The following MGAT5 variants were observed in gnomAD, a reference collection of about 807,000 sequenced individuals.
MGAT5 encodes alpha-1,6-mannosylglycoprotein 6-beta-N-acetylglucosaminyltransferase A.
MGAT5 carries 30 observed loss-of-function variants against 94.3 expected under a neutral mutation model. That is an observed-to-expected ratio of 0.32 (90% CI 0.24 to 0.43). MGAT5 has a LOEUF of 0.43. MGAT5 is among the 20% of genes least tolerant of loss of function. MGAT5 has a pLI of 1.00. For missense variants in MGAT5, 691 were observed against 905.5 expected (o/e 0.76, Z 3.04); for synonymous variants, 310 against 322.9 (o/e 0.96, Z 0.43).
At chr2:134,228,086 G>A (rs113685332) in intron 1 of MGAT5, among the ~76,000 whole-genome samples, 1,686 of 152,254 alleles carry the variant, frequency 0.011, 22 homozygotes, top group African/African-American at 0.037. Context: ...AAGAGGAAAG[G>A]TGGGGATCCT....
At chr2:134,145,266 G>T (rs1686866686) in intron 1 of MGAT5, among the ~76,000 whole-genome samples, 1 of 149,050 alleles carries the variant, frequency 6.7e-6, no homozygotes, top group Non-Finnish European at 1.5e-5. Flanking sequence ...TGGAATGCGG[G>T]CTGGGCGCGG....
chr2:134,297,376 G>T (rs1458624468), intron 2 of MGAT5, among the ~76,000 whole-genome samples: 1 of 152,074 alleles, frequency 6.6e-6, no homozygotes, highest in Non-Finnish European at 1.5e-5. Flanking sequence ...AAATATAGAA[G>T]GAGGGAATAC....
chr2:134,204,314 C>T lies in MGAT5; in HGVS notation c.-142-49948C>T, dbSNP rs147308621. ...GCTGTTGGATTTCTTAATCTCAGTA[C>T]GAGAAATTCTAATTTCTGCCTAAGT... On this transcript the variant is annotated intron_variant, in intron 1 of 16. Coordinates refer to the MGAT5 transcript ENST00000409645. Among the ~76,000 whole-genome samples the T allele has an allele frequency of 1.6e-4, 25 of 152,248 alleles. No homozygotes were observed. In the East Asian group the frequency reaches 2.7e-3, roughly 16 times the overall value.
At chr2:134,233,921 T>G (rs1339938059) in intron 1 of MGAT5, among the ~76,000 whole-genome samples, 2 of 152,202 alleles carry the variant, frequency 1.3e-5, no homozygotes, top group Non-Finnish European at 2.9e-5. Flanking sequence ...CTGGCTCTCT[T>G]GAATAATTCC....
chr2:134,245,353 A>C (rs970441973), intron 1 of MGAT5, among the ~76,000 whole-genome samples: 1 of 152,144 alleles, frequency 6.6e-6, no homozygotes, highest in African/African-American at 2.4e-5. Context: ...TTTTGTTGTT[A>C]GGAAATTCTC....
rs1682810523 is a variant in MGAT5 at position 134,254,530 on chromosome 2, A to C, written c.127A>C (p.Ser43Arg). ...CCAGCAGCGAACTCAGCCTGAAAGC[A>C]GCTCCATGCTGCGCGAGCAGATCCT... ...TIQQRTQPES[S>R]SMLREQILDL... The change falls in exon 1 of 16, where the codon AGC (serine) becomes CGC (arginine). Residue 43 changes from serine to arginine, a missense_variant. Physicochemically the swap from Ser to Arg is moderately radical, Grantham distance 110 (BLOSUM62 -1). Transcript: ENST00000281923. 1 of 1,614,132 alleles carries C rather than the reference A, an allele frequency of 6.2e-7. No homozygotes were observed. The highest frequency in any genetic ancestry group is 1.3e-5 in the African/African-American group (1 of 74,950).
chr2:134,319,694 A>G, intron 4 of MGAT5: 1 of 376,202 alleles, frequency 2.7e-6, no homozygotes, highest in South Asian at 2.0e-5. Context: ...TATGCCATCA[A>G]CATACTCATC....
At chr2:134,422,649 C>G (rs1226660646) in intron 12 of MGAT5, among the ~76,000 whole-genome samples, 154 bp from the exon 13 acceptor site, 1 of 152,164 alleles carries the variant, frequency 6.6e-6, no homozygotes, top group African/African-American at 2.4e-5. Flanking sequence ...GTTTTGTTAT[C>G]TGCTTATGGA....
At chr2:134,167,295 C>T (rs1297774252) in intron 1 of MGAT5, among the ~76,000 whole-genome samples, 1 of 152,188 alleles carries the variant, frequency 6.6e-6, no homozygotes, top group African/African-American at 2.4e-5. Context: ...TTGACATCAT[C>T]CTATAGCAGG....
chr2:134,451,958 C>T lies in MGAT5; in HGVS notation c.*3111C>T, dbSNP rs1238610553. 6.6e-6 allele frequency: 1 copy of T among 152,144 alleles called. No individual in the cohort carries two copies. Among genetic ancestry groups the T allele is most frequent in the African/African-American group, 2.4e-5 (1 of 41,408 alleles). The allele number at this position is 152,144 out of a possible 1,614,324, so 9.4% of individuals were successfully genotyped here. ...TACAGTTTGCTTTTTTGTGTGTTTG[C>T]TGTGCGTTTGGAGATATTAGTCAGT... On this transcript the variant is annotated 3_prime_UTR_variant, in exon 16 of 16. Transcript: ENST00000281923.
chr2:134,347,993 G>A (rs1689019949), intron 8 of MGAT5, among the ~76,000 whole-genome samples: 1 of 152,160 alleles, frequency 6.6e-6, no homozygotes, highest in Non-Finnish European at 1.5e-5. Context: ...ATCAGCGTGG[G>A]TCCTGTCCTC....
At chr2:134,427,815 G>A (rs1021039453) in intron 13 of MGAT5, among the ~76,000 whole-genome samples, 9 of 152,272 alleles carry the variant, frequency 5.9e-5, no homozygotes, top group African/African-American at 1.9e-4. Context: ...TGAGTTCTTC[G>A]GATATAGGCT....
chr2:134,184,351 C>G (rs1382743844), intron 1 of MGAT5, among the ~76,000 whole-genome samples: 1 of 152,220 alleles, frequency 6.6e-6, no homozygotes, highest in Non-Finnish European at 1.5e-5. Context: ...TGGCCTCTCC[C>G]TGCCTGTCTT....
At chr2:134,166,504 A>G (rs1261133971) in intron 1 of MGAT5, among the ~76,000 whole-genome samples, 2 of 152,216 alleles carry the variant, frequency 1.3e-5, no homozygotes. Context: ...ACTTGAACAC[A>G]TGAGGTCGAT....
chr2:134,235,496 A>G (rs1315449055), intron 1 of MGAT5, among the ~76,000 whole-genome samples: 1 of 152,146 alleles, frequency 6.6e-6, no homozygotes, highest in African/African-American at 2.4e-5. Context: ...GAGAGAGAGA[A>G]GAGCCACAGA....
At chr2:134,342,899 A>C (rs1688716647) in intron 7 of MGAT5, among the ~76,000 whole-genome samples, 1 of 152,130 alleles carries the variant, frequency 6.6e-6, no homozygotes, top group African/African-American at 2.4e-5. Context: ...TATATTAAAA[A>C]TAATTACACA....
Position 134,448,931 on chromosome 2 carries a change from T to G in MGAT5, c.*84T>G. ...CAGGCAGGGCCAGGGACAGAAGTCATGCAGGGACTCTGGCAAGAGCCTGAA... is the reference window on the plus strand; with the variant it reads ...CAGGCAGGGCCAGGGACAGAAGTCAGGCAGGGACTCTGGCAAGAGCCTGAA... On this transcript the variant is annotated 3_prime_UTR_variant, in exon 16 of 16. Transcript: ENST00000281923. The G allele has an allele frequency of 1.4e-6, 2 of 1,399,358 alleles. No homozygotes were observed. The highest frequency in any genetic ancestry group is 2.0e-6 in the Non-Finnish European group (2 of 1,016,770). 86.7% of individuals were successfully genotyped at this position (1,399,358 alleles called of 1,614,324 possible). A position where few individuals can be genotyped will look rare whatever the true frequency, so the allele number is the denominator to read the frequency against.
intron 1 of MGAT5, among the ~76,000 whole-genome samples, chr2:134,130,256 C>A (rs1364679696): frequency 4.0e-5 from 6 of 150,888 alleles, no homozygotes; most frequent in African/African-American, 1.5e-4. Flanking sequence ...CGCCCCACAC[C>A]GCCCCACACC....
chr2:134,358,991 T>A (rs545540509), intron 9 of MGAT5, among the ~76,000 whole-genome samples: 1 of 152,228 alleles, frequency 6.6e-6, no homozygotes, highest in Non-Finnish European at 1.5e-5. Context: ...TCAAGCTGAT[T>A]TGTAATCATT....
Sources: allele counts gnomAD v4.1 joint callset (sites outside exome capture counted in the v4.1 genomes callset), GRCh38; gene constraint gnomAD v4.1.1; transcripts MANE v1.5; gene names NCBI Gene and HGNC (gene_info 2026-07-23, HGNC 2026-07-21).